Variants in IBTK observed in about 807,000 individuals in gnomAD.
IBTK encodes the protein inhibitor of Bruton tyrosine kinase.
In IBTK, 83 loss-of-function variants were observed where a neutral mutation model predicts 154.9. The ratio of observed to expected loss-of-function variants is 0.54; its 90% CI spans 0.45 to 0.64. The LOEUF (loss-of-function observed/expected upper bound fraction) is 0.64. Among genes scored for constraint, IBTK ranks in the 30% least tolerant of loss-of-function variants. IBTK has a pLI of 0.00. For missense variants in IBTK, 1,332 were observed against 1,584.6 expected (o/e 0.84, Z 2.71); for synonymous variants, 515 against 536.1 (o/e 0.96, Z 0.54).
At chr6:82,185,004 G>A (rs1768486492) in intron 25 of IBTK, among the ~76,000 whole-genome samples, 1 of 151,694 alleles carries the variant, frequency 6.6e-6, no homozygotes, top group African/African-American at 2.4e-5. Flanking sequence ...CCAACATGAT[G>A]AAACCCCATC....
intron 3 of IBTK, among the ~76,000 whole-genome samples, chr6:82,232,062 GTT>G (rs11373105): frequency 1.4e-5 from 2 of 148,060 alleles, no homozygotes; most frequent in Non-Finnish European, 1.5e-5. Context: ...TTTTGTTGTT[GTT>G]TTTTTTTAAT....
chr6:82,226,735 T>C (rs1225274518), intron 5 of IBTK, among the ~76,000 whole-genome samples: 1 of 152,158 alleles, frequency 6.6e-6, no homozygotes, highest in Admixed American at 6.5e-5. Flanking sequence ...GTCTTCCAAG[T>C]AGCTGGGATT....
rs775355650 is a variant in IBTK at position 82,211,596 on chromosome 6, G to A, written c.2292-24C>T. ...AACTGCAAGAAAATGTTTAATTGAA[G>A]CAAGAGCAATTTCTTTACATATTTA... On this transcript the variant is annotated intron_variant, in intron 13 of 28. Coordinates refer to ENST00000306270, the MANE Select transcript of IBTK (RefSeq NM_015525.4). The A allele has an allele frequency of 1.1e-5, 18 of 1,567,498 alleles. No individual in the cohort carries two copies. The East Asian group carries it at 4.0e-4, about 35-fold the overall frequency.
Position 82,231,789 on chromosome 6 carries a change from C to A in IBTK, c.472G>T (p.Gly158Ter). 1.2e-6 allele frequency: 2 copies of A among 1,607,578 alleles called. No homozygotes were observed. Among genetic ancestry groups the A allele is most frequent in the Non-Finnish European group, 8.5e-7 (1 of 1,175,456 alleles). Residue 158 changes from glycine to a stop codon, truncating the protein, a stop_gained, in exon 4 of 29, where the codon GGA (glycine) becomes TGA (stop). Coordinates refer to ENST00000306270, the MANE Select transcript of IBTK (RefSeq NM_015525.4). LOFTEE classifies it high-confidence loss of function. Reference protein sequence around the residue: ...GDNTNFTLGHGSQNSKHHPEL... With the variant: ...GDNTNFTLGH ...GGATGATGTTTGCTATTCTGGCTTC[C>A]ATGACCCAGGGTAAAATTTGTATTA... is the stretch of plus-strand genomic sequence containing the variant.
At chr6:82,243,846 A>G (rs991951383) in intron 1 of IBTK, among the ~76,000 whole-genome samples, 4 of 152,210 alleles carry the variant, frequency 2.6e-5, no homozygotes, top group African/African-American at 9.6e-5. Context: ...TTAAGATACA[A>G]CAGAAAAGAA....
intron 21 of IBTK, among the ~76,000 whole-genome samples, chr6:82,198,001 C>T (rs1361745859): frequency 2.6e-5 from 4 of 152,178 alleles, no homozygotes; most frequent in African/African-American, 9.7e-5. Context: ...AAGAACAGTA[C>T]ACCAGGAAAA....
At position 82,231,120 on chromosome 6, in the gene IBTK, A is replaced by T. The variant is rs183218275; in HGVS notation, c.543+598T>A. Among the ~76,000 whole-genome samples, 33 of 152,168 alleles carry T rather than the reference A, an allele frequency of 2.2e-4. 1 individual carries two copies. The highest frequency in any genetic ancestry group is 6.5e-4 in the African/African-American group (27 of 41,454). On this transcript the variant is annotated intron_variant, in intron 4 of 28. Transcript: ENST00000306270. ...TGAATACAAATAATTAAATAGAATG[A>T]CTGGCAGTTTACCAGACCCTCAGTT... is the stretch of plus-strand genomic sequence containing the variant.
intron 1 of IBTK, among the ~76,000 whole-genome samples, chr6:82,243,129 T>C (rs1421830053): frequency 6.6e-6 from 1 of 151,004 alleles, no homozygotes; most frequent in Non-Finnish European, 1.5e-5. Context: ...TAGTCCCAGC[T>C]ACTTGGGAGG....
chr6:82,247,743 A>G lies in IBTK; in HGVS notation c.-539T>C, dbSNP rs1771214828. ...GCTACTACAGGAATCGGGAACGGGGATGTAGAGGAAGGGCCCGAGCGGGCG... is the reference window on the plus strand; with the variant it reads ...GCTACTACAGGAATCGGGAACGGGGGTGTAGAGGAAGGGCCCGAGCGGGCG... On this transcript the variant is annotated 5_prime_UTR_variant, in exon 1 of 29. Coordinates refer to ENST00000306270, the MANE Select transcript of IBTK (RefSeq NM_015525.4). 3 of 397,504 alleles carry G rather than the reference A, an allele frequency of 7.5e-6. No individual in the cohort carries two copies. The highest frequency in any genetic ancestry group is 4.4e-6 in the Non-Finnish European group (1 of 225,690). 24.6% of individuals were successfully genotyped at this position (397,504 alleles called of 1,614,324 possible).
At chr6:82,200,860 C>A in intron 19 of IBTK, 152 bp from the exon 20 acceptor site, 1 of 779,118 alleles carries the variant, frequency 1.3e-6, no homozygotes. Context: ...CTTGGCCTCC[C>A]AAAATGCTAG....
At chr6:82,229,946 A>T (rs1770445752) in intron 4 of IBTK, among the ~76,000 whole-genome samples, 1 of 152,120 alleles carries the variant, frequency 6.6e-6, no homozygotes, top group Non-Finnish European at 1.5e-5. Context: ...GTTGTGATGC[A>T]TTAGGTTGTG....
At chr6:82,221,261 T>C (rs1770092439) in intron 8 of IBTK, among the ~76,000 whole-genome samples, 1 of 152,022 alleles carries the variant, frequency 6.6e-6, no homozygotes, top group South Asian at 2.1e-4. Context: ...GAGGCAGAGG[T>C]TGCAGTGAGC....
In IBTK at chr6:82,172,504, A is replaced by G. The variant is rs1262095720; in HGVS notation, c.3806T>C (p.Leu1269Pro). The G allele has an allele frequency of 6.2e-7, 1 of 1,607,596 alleles. No homozygotes were observed. Among genetic ancestry groups the G allele is most frequent in the Non-Finnish European group, 8.5e-7 (1 of 1,178,338 alleles). ...LPLLDSPNPWLSSSVTAPSMV... is the reference protein window; with the variant it reads ...LPLLDSPNPWPSSSVTAPSMV... Reference sequence around the variant, plus strand: ...GGATGGAGCAGTCACTGAAGAAGATAGCCAGGGACTGAAAGAATAATAATA... The same window carrying G: ...GGATGGAGCAGTCACTGAAGAAGATGGCCAGGGACTGAAAGAATAATAATA... The change falls in exon 28 of 29, where the codon CTA becomes CCA. Residue 1269 changes from leucine to proline, a missense_variant. This residue lies in a region of IBTK where 1,134 missense variants were observed against 1,274.7 expected (regional missense o/e 0.89). Transcript: ENST00000306270.
chr6:82,245,194 C>T (rs770348823), intron 1 of IBTK, among the ~76,000 whole-genome samples: 54 of 152,078 alleles, frequency 3.6e-4, no homozygotes, highest in Non-Finnish European at 4.9e-4. Flanking sequence ...CACATAGGAA[C>T]GGGGAGTGCA....
intron 1 of IBTK, 74 bp downstream of exon 1, chr6:82,247,488 G>T (rs981681444): frequency 5.0e-5 from 20 of 398,176 alleles, no homozygotes; most frequent in African/African-American, 3.9e-4. Flanking sequence ...TCCAGAAGGC[G>T]AATACTCTCC....
intron 10 of IBTK, 65 bp from the exon 11 acceptor site, chr6:82,216,315 G>T: frequency 9.5e-7 from 1 of 1,047,534 alleles, no homozygotes; most frequent in Non-Finnish European, 1.4e-6. Flanking sequence ...TGATTGAGAA[G>T]TAAATGGAAT....
chr6:82,247,472 G>A (rs2127833200), intron 1 of IBTK, 90 bp downstream of exon 1: 1 of 397,060 alleles, frequency 2.5e-6, no homozygotes, highest in Admixed American at 4.4e-5. Flanking sequence ...GCAGCCACCC[G>A]CACCCTCCAG....
Position 82,173,284 on chromosome 6 carries a change from G to C in IBTK, c.3797+83C>G, listed in dbSNP as rs1767996757. ...CCCAGAGTGCTGGGATTATAGGCAT[G>C]AGCCACTGCACTCAGCCTTAATGTT... is the stretch of plus-strand genomic sequence containing the variant. On this transcript the variant is annotated intron_variant, in intron 27 of 28. Transcript: ENST00000306270. The C allele has an allele frequency of 3.1e-6, 3 of 953,472 alleles. No homozygotes were observed. In the East Asian group the frequency reaches 7.5e-5, roughly 24 times the overall value. 59.1% of individuals were successfully genotyped at this position (953,472 alleles called of 1,614,324 possible).
chr6:82,199,227 T>C (rs1255578635), intron 21 of IBTK, among the ~76,000 whole-genome samples: 1 of 151,914 alleles, frequency 6.6e-6, no homozygotes, highest in Non-Finnish European at 1.5e-5. Flanking sequence ...TTTTTTTAAG[T>C]CTCTGTATTG....
Sources: allele counts gnomAD v4.1 joint callset (sites outside exome capture counted in the v4.1 genomes callset), GRCh38; gene constraint gnomAD v4.1.1; regional missense constraint gnomAD v4.1.1; transcripts MANE v1.5; gene names NCBI Gene and HGNC (gene_info 2026-07-23, HGNC 2026-07-21).